The following RUNX1 variants were observed in gnomAD, a reference collection of about 807,000 sequenced individuals.
The protein encoded by RUNX1 is runt-related transcription factor 1.
In RUNX1, 19 loss-of-function variants were observed where a neutral mutation model predicts 42.8. The observed-to-expected ratio is 0.44, with a 90% confidence interval of 0.31 to 0.65. The LOEUF (loss-of-function observed/expected upper bound fraction) is 0.65. Ranked by LOEUF, RUNX1 falls within the 30% of genes least tolerant of loss-of-function variation. The pLI is 0.07. For missense variants in RUNX1, 528 were observed against 672.0 expected (o/e 0.79, Z 2.37); for synonymous variants, 271 against 289.4 (o/e 0.94, Z 0.64).
intron 2 of RUNX1, among the ~76,000 whole-genome samples, chr21:34,938,874 T>C (rs1168537223): frequency 6.6e-6 from 1 of 152,220 alleles, no homozygotes; most frequent in Non-Finnish European, 1.5e-5. Context: ...AATAATCTGA[T>C]GGTAAAATGT....
At chr21:35,023,882 T>C (rs944743385) in intron 2 of RUNX1, among the ~76,000 whole-genome samples, 40 of 151,616 alleles carry the variant, frequency 2.6e-4, no homozygotes, top group African/African-American at 8.4e-4. Context: ...AATAAACACA[T>C]AAATTAAATA....
At chr21:34,938,088 G>A (rs1315975826) in intron 2 of RUNX1, among the ~76,000 whole-genome samples, 1 of 152,244 alleles carries the variant, frequency 6.6e-6, no homozygotes, top group Middle Eastern at 3.4e-3. Flanking sequence ...TTGATTAATA[G>A]GAGCAATTAA....
At chr21:34,839,298 G>GAC (rs1389387540) in intron 6 of RUNX1, among the ~76,000 whole-genome samples, 2 of 150,546 alleles carry the variant, frequency 1.3e-5, no homozygotes, top group African/African-American at 2.5e-5. Context: ...AACACCCACG[G>GAC]ACACACACAC....
chr21:34,985,844 G>T (rs922180689), intron 2 of RUNX1, among the ~76,000 whole-genome samples: 2 of 147,760 alleles, frequency 1.4e-5, no homozygotes, highest in Admixed American at 6.8e-5. Context: ...GTGTCTGGTG[G>T]TCTATCAACA....
At chr21:34,972,728 A>G (rs1569132225) in intron 2 of RUNX1, among the ~76,000 whole-genome samples, 1 of 152,334 alleles carries the variant, frequency 6.6e-6, no homozygotes, top group South Asian at 2.1e-4. Flanking sequence ...TGCATTGATT[A>G]ACTCTACAAA....
chr21:34,816,601 G>A (rs937627096), intron 7 of RUNX1, among the ~76,000 whole-genome samples: 10 of 152,176 alleles, frequency 6.6e-5, no homozygotes, highest in Non-Finnish European at 1.3e-4. Flanking sequence ...GTCGGGAAGG[G>A]AGTCAGTCTG....
At chr21:34,863,975 T>C (rs111353112) in intron 5 of RUNX1, among the ~76,000 whole-genome samples, 12 of 152,362 alleles carry the variant, frequency 7.9e-5, no homozygotes, top group African/African-American at 2.9e-4. Context: ...GACACAGTGA[T>C]GACTTCTTCA....
intron 6 of RUNX1, among the ~76,000 whole-genome samples, chr21:34,850,505 G>A (rs1207560618): frequency 2.0e-5 from 3 of 152,186 alleles, no homozygotes; most frequent in Admixed American, 1.3e-4. Flanking sequence ...TACACGTCAC[G>A]TTTCTAGGAC....
chr21:34,967,716 A>G (rs1356773672), intron 2 of RUNX1, among the ~76,000 whole-genome samples: 1 of 152,170 alleles, frequency 6.6e-6, no homozygotes, highest in Non-Finnish European at 1.5e-5. Flanking sequence ...GGATCCTCTG[A>G]GCTCTCCCTA....
chr21:34,889,235 G>C (rs951686537), intron 3 of RUNX1, among the ~76,000 whole-genome samples: 2 of 152,064 alleles, frequency 1.3e-5, no homozygotes, highest in African/African-American at 2.4e-5. Flanking sequence ...GTGCGATTTG[G>C]CCGCGGGGCC....
chr21:34,920,252 ATT>A (rs1284434192), intron 2 of RUNX1, among the ~76,000 whole-genome samples: 2 of 151,970 alleles, frequency 1.3e-5, no homozygotes, highest in Non-Finnish European at 2.9e-5. Flanking sequence ...TTCTTTCACT[ATT>A]TTCTTATTCC....
intron 5 of RUNX1, among the ~76,000 whole-genome samples, chr21:34,863,922 G>A (rs756926004): frequency 2.6e-5 from 4 of 152,140 alleles, no homozygotes; most frequent in Non-Finnish European, 4.4e-5. Flanking sequence ...AAGGGCTCTT[G>A]TTTACAGCTT....
intron 5 of RUNX1, among the ~76,000 whole-genome samples, chr21:34,860,082 T>G (rs2057550608): frequency 1.3e-5 from 2 of 152,350 alleles, no homozygotes; most frequent in South Asian, 4.1e-4. Flanking sequence ...AAAGACGAAG[T>G]CTGGCTGATT....
chr21:34,818,575 T>C (rs2056864427), intron 7 of RUNX1, among the ~76,000 whole-genome samples: 1 of 152,198 alleles, frequency 6.6e-6, no homozygotes, highest in Admixed American at 6.5e-5. Flanking sequence ...GAGATTGGAC[T>C]TGATTCGGGG....
intron 7 of RUNX1, 72 bp downstream of exon 7, chr21:34,834,338 C>A (rs528711377): frequency 2.5e-5 from 38 of 1,494,024 alleles, no homozygotes; most frequent in Non-Finnish European, 3.5e-5. Context: ...AAGGTGTGTG[C>A]ACATGGGGGC....
Position 34,827,534 on chromosome 21 carries a change from C to T in RUNX1, c.805+6876G>A, listed in dbSNP as rs113217892. Among the ~76,000 whole-genome samples the T allele has an allele frequency of 6.8e-4, 103 of 152,284 alleles. 1 individual carries two copies. The Middle Eastern group carries it at 0.01, about 15-fold the overall frequency. Reference sequence around the variant, plus strand: ...CATCAAAACAATGGGAGAAAGACCCCGAAAAGCATTTCAGAGATCTTCAAG... The same window carrying T: ...CATCAAAACAATGGGAGAAAGACCCTGAAAAGCATTTCAGAGATCTTCAAG... On this transcript the variant is annotated intron_variant, in intron 7 of 8. Coordinates refer to ENST00000675419, the MANE Select transcript of RUNX1 (RefSeq NM_001754.5).
chr21:34,882,317 G>A (rs1031616874), intron 4 of RUNX1, among the ~76,000 whole-genome samples: 6 of 152,110 alleles, frequency 3.9e-5, no homozygotes, highest in African/African-American at 1.2e-4. Flanking sequence ...AGTCCTTGTG[G>A]CACAGAACAC....
At chr21:34,991,485 T>C (rs921043139) in intron 2 of RUNX1, among the ~76,000 whole-genome samples, 7 of 152,228 alleles carry the variant, frequency 4.6e-5, no homozygotes, top group Admixed American at 4.6e-4. Context: ...TGGCTGACTT[T>C]ATCTGACCAA....
At chr21:34,802,670 G>A (rs1258348097) in intron 7 of RUNX1, among the ~76,000 whole-genome samples, 1 of 152,118 alleles carries the variant, frequency 6.6e-6, no homozygotes, top group Non-Finnish European at 1.5e-5. Flanking sequence ...TGCCTAATTT[G>A]GACTTGCAAA....
Sources: allele counts gnomAD v4.1 joint callset (sites outside exome capture counted in the v4.1 genomes callset), GRCh38; gene constraint gnomAD v4.1.1; transcripts MANE v1.5; gene names NCBI Gene and HGNC (gene_info 2026-07-23, HGNC 2026-07-21).